Variants in MYBPC1 observed in about 807,000 individuals in gnomAD.
The protein encoded by MYBPC1 is myosin binding protein C1.
A neutral mutation model predicts 147.1 loss-of-function variants in MYBPC1; 52 were observed. The observed-to-expected ratio is 0.35, with a 90% CI of 0.28 to 0.45. The LOEUF is 0.45. Ranked by LOEUF, MYBPC1 falls within the 20% of genes least tolerant of loss-of-function variation. The probability of loss-of-function intolerance (pLI) is 1.00; values close to 1 mark genes in which losing one functional copy is unlikely to be tolerated. For missense variants in MYBPC1, 1,228 were observed against 1,440.3 expected, an observed-to-expected ratio of 0.85 and a Z score of 2.39; for synonymous variants, 477 against 475.9, an observed-to-expected ratio of 1.00 and a Z score of -0.03.
At position 101,663,464 on chromosome 12, in the gene MYBPC1, G is replaced by C; in HGVS notation, c.2260G>C (p.Val754Leu). The change falls in exon 22 of 32, where the codon GTC becomes CTC. Residue 754 changes from valine (V) to leucine (L), a missense_variant. Transcript: ENST00000361466. ...SPPTLLTVDS[V>L]TDTTVTMRWR... The stretch of plus-strand genomic sequence containing the variant: ...TCCTACTCTTCTGACTGTGGACTCT[G>C]TCACTGACACGACTGTCACGATGAG... 1 of 1,613,986 alleles carries C rather than the reference G, an allele frequency of 6.2e-7. No homozygotes were observed. The highest frequency in any genetic ancestry group is 2.2e-5 in the East Asian group (1 of 44,884).
chr12:101,691,845 G>T, the MYBPC1 span, among the ~76,000 whole-genome samples: 1 of 152,122 alleles, frequency 6.6e-6, no homozygotes, highest in African/African-American at 2.4e-5. Context: ...CTCAGTGCAG[G>T]CTTGGTCTGA....
At position 101,678,354 on chromosome 12, in the gene MYBPC1, A is replaced by G. The variant is rs1900504263; in HGVS notation, c.3246+116A>G. ...TACTTGTGTCTTCCCAGGATGGGGG[A>G]TTAGAAGGTGGTAGTGGTGGTAGAT... On this transcript the variant is annotated intron_variant, in intron 28 of 31. Coordinates refer to ENST00000361466, the MANE Select transcript of MYBPC1 (RefSeq NM_002465.4). The G allele has an allele frequency of 4.9e-6, 7 of 1,439,254 alleles. No individual in the cohort carries two copies. In the South Asian group the frequency reaches 7.0e-5, roughly 14 times the overall value. 89.2% of individuals were successfully genotyped at this position (1,439,254 alleles called of 1,614,324 possible).
chr12:101,673,463 G>T lies in MYBPC1; in HGVS notation c.2650G>T (p.Gly884Cys), dbSNP rs762953387. 1.9e-6 allele frequency: 3 copies of T among 1,613,328 alleles called. No homozygotes were observed. In the South Asian group the frequency reaches 3.3e-5, roughly 18 times the overall value. ...ACCAGAATTAACTTGGAAGAAGGATGGTGCAGAAATTGATAAGAATCAAAT... is the reference window on the plus strand; with the variant it reads ...ACCAGAATTAACTTGGAAGAAGGATTGTGCAGAAATTGATAAGAATCAAAT... ...PRPELTWKKD[G>C]AEIDKNQINI... The change falls in exon 25 of 32, where the codon GGT becomes TGT. Residue 884 changes from glycine to cysteine, a missense_variant. Around this residue, in one of 2 missense-constraint regions of MYBPC1, gnomAD observed 1,077 missense variants for 1,314.2 expected, o/e 0.82. Coordinates refer to ENST00000361466, the MANE Select transcript of MYBPC1 (RefSeq NM_002465.4).
At chr12:101,603,025 A>G (rs12146708) in intron 1 of MYBPC1, among the ~76,000 whole-genome samples, 15,482 of 152,106 alleles carry the variant, frequency 0.1, 952 homozygotes, top group Non-Finnish European at 0.14. Context: ...CAAGGGTTAT[A>G]AGTCTTGGGT....
intron 18 of MYBPC1, among the ~76,000 whole-genome samples, chr12:101,657,189 G>A (rs2136370059): frequency 1.3e-5 from 2 of 152,214 alleles, no homozygotes; most frequent in African/African-American, 4.8e-5. Flanking sequence ...ATATCAAAAT[G>A]TTTAAGTTGC....
intron 15 of MYBPC1, among the ~76,000 whole-genome samples, chr12:101,649,920 A>G (rs1421337671): frequency 6.6e-6 from 1 of 152,242 alleles, no homozygotes; most frequent in East Asian, 1.9e-4. Flanking sequence ...TCAGTTAGCA[A>G]TGGCAGAATC....
rs2136145903 is a variant in MYBPC1, at chr12:101,639,162, T to C, written c.665+2434T>C. ...CAGCATCCTGTTATAGGAATTGACC[T>C]GTATAAATACTTGTAAGTTGTACTC... On this transcript the variant is annotated intron_variant, in intron 10 of 31. Transcript: ENST00000361466. Among the ~76,000 whole-genome samples the C allele has an allele frequency of 1.3e-5, 2 of 152,390 alleles. 1 individual carries two copies.
intron 1 of MYBPC1, among the ~76,000 whole-genome samples, chr12:101,605,203 G>A (rs956430736): frequency 6.6e-6 from 1 of 152,212 alleles, no homozygotes. Flanking sequence ...GGTGTTACTA[G>A]ACACTATTGC....
At chr12:101,606,790 T>C (rs2135674664) in intron 1 of MYBPC1, among the ~76,000 whole-genome samples, 1 of 152,260 alleles carries the variant, frequency 6.6e-6, no homozygotes, top group Admixed American at 6.5e-5. Flanking sequence ...TAAAATACAC[T>C]GTCATTTATA....
At chr12:101,671,321 A>ACG (rs1428152295) in intron 24 of MYBPC1, among the ~76,000 whole-genome samples, 1 of 86,206 alleles carries the variant, frequency 1.2e-5, no homozygotes, top group African/African-American at 3.5e-5. Context: ...ACACACACAC[A>ACG]CACACACACA....
the MYBPC1 span, among the ~76,000 whole-genome samples, chr12:101,692,282 T>C: frequency 6.6e-6 from 1 of 152,204 alleles, no homozygotes; most frequent in Admixed American, 6.5e-5. Flanking sequence ...TTTAGTACAA[T>C]AATTTTTTTC....
intron 2 of MYBPC1, among the ~76,000 whole-genome samples, chr12:101,615,507 A>AT (rs1302517948): frequency 1.3e-5 from 2 of 152,200 alleles, no homozygotes; most frequent in Admixed American, 6.5e-5. Context: ...GTGCAAGCAT[A>AT]TTGTACCAGA....
At position 101,628,766 on chromosome 12, in the gene MYBPC1, A is replaced by G. The variant is rs555427140; in HGVS notation, c.179-668A>G. On this transcript the variant is annotated intron_variant, in intron 5 of 31. Transcript: ENST00000361466. ...CTCTATTTCCAGCTTGTCTCTCTTT[A>G]TGGGAAAGCCTCAGTTTTTTTCTTT... is the stretch of plus-strand genomic sequence containing the variant. 2.1e-4 allele frequency among the ~76,000 whole-genome samples: 32 copies of G among 152,278 alleles called. No individual in the cohort carries two copies. The South Asian group carries it at 5.6e-3, about 27-fold the overall frequency.
rs532589716 is a variant in MYBPC1 at position 101,678,298 on chromosome 12, T to C, written c.3246+60T>C. The C allele has an allele frequency of 6.8e-5, 108 of 1,597,830 alleles. 2 individuals are homozygous for C. The South Asian group carries it at 1.1e-3, about 16-fold the overall frequency. Reference sequence around the variant, plus strand: ...CTGTCTTGTATTTGTTGTGTTATAATGTAAGTAACAATGTAAACAAATCCA... The same window carrying C: ...CTGTCTTGTATTTGTTGTGTTATAACGTAAGTAACAATGTAAACAAATCCA... On this transcript the variant is annotated intron_variant, in intron 28 of 31. Coordinates refer to ENST00000361466, the MANE Select transcript of MYBPC1 (RefSeq NM_002465.4).
intron 10 of MYBPC1, 34 bp from the exon 11 acceptor site, chr12:101,642,385 G>A (rs753524930): frequency 1.9e-6 from 3 of 1,611,282 alleles, no homozygotes; most frequent in Non-Finnish European, 2.5e-6. Flanking sequence ...GGTCAGTGCA[G>A]CTACTAAACT....
chr12:101,653,014 A>G, intron 17 of MYBPC1, 101 bp from the exon 18 acceptor site: 3 of 1,446,748 alleles, frequency 2.1e-6, no homozygotes, highest in East Asian at 2.3e-5. Flanking sequence ...CTTTTTGATT[A>G]GATAAAATAT....
chr12:101,695,134 G>C, the MYBPC1 span, among the ~76,000 whole-genome samples: 1 of 152,078 alleles, frequency 6.6e-6, no homozygotes, highest in East Asian at 1.9e-4. Context: ...CTTCCACTTG[G>C]GTACGCCACA....
chr12:101,614,979 T>C (rs1018168938), intron 2 of MYBPC1: 15 of 243,490 alleles, frequency 6.2e-5, no homozygotes, highest in African/African-American at 3.4e-4. Context: ...CATATGTCAC[T>C]ATTGAGCACC....
rs764550306 is a variant in MYBPC1, at chr12:101,659,781, T to A, written c.1877T>A (p.Leu626Gln). 1 of 1,614,122 alleles carries A rather than the reference T, an allele frequency of 6.2e-7. No homozygotes were observed. Among genetic ancestry groups the A allele is most frequent in the Non-Finnish European group, 8.5e-7 (1 of 1,179,986 alleles). ...RDDSGVYHINLKNEAGEAHAS... is the reference protein window; with the variant it reads ...RDDSGVYHINQKNEAGEAHAS... ...GACTCTGGTGTTTACCACATCAATC[T>A]GAAAAACGAAGCTGGAGAGGCACAT... Residue 626 changes from leucine to glutamine, a missense_variant, in exon 19 of 32, where the codon CTG (leucine) becomes CAG (glutamine). Around this residue, in one of 2 missense-constraint regions of MYBPC1, gnomAD observed 1,077 missense variants for 1,314.2 expected, o/e 0.82. Transcript: ENST00000361466.
Sources: gnomAD v4.1 joint callset for allele counts (sites outside exome capture counted in the v4.1 genomes callset) on GRCh38, gnomAD v4.1.1 for gene constraint, gnomAD v4.1.1 regional missense constraint, MANE v1.5 for transcripts, NCBI Gene and HGNC (gene_info 2026-07-23, HGNC 2026-07-21) for gene names.